Variants in WARS2 observed in about 807,000 individuals in gnomAD.
WARS2 encodes tryptophanyl tRNA synthetase 2, mitochondrial, also known as tryptophan--tRNA ligase, mitochondrial.
In WARS2, 28 loss-of-function variants were observed where a neutral mutation model predicts 36.5. That is an observed-to-expected ratio of 0.77 (90% CI 0.57 to 1.05). WARS2 has a LOEUF of 1.05. Among genes scored for constraint, WARS2 ranks in the 50% least tolerant of loss-of-function variants. WARS2 has a pLI of 0.00. For synonymous variants in WARS2, 174 were observed against 178.4 expected, an observed-to-expected ratio of 0.98 and a Z score of 0.20; for missense variants, 435 against 456.8, an observed-to-expected ratio of 0.95 and a Z score of 0.44.
intron 1 of WARS2, chr1:119,127,359 TTAAGGC>T (rs1478716690): frequency 3.1e-5 from 15 of 482,616 alleles, no homozygotes; most frequent in Non-Finnish European, 3.8e-5. Context: ...TGAAAAAAAA[TTAAGGC>T]ACAGAAAAAT....
At chr1:119,038,746 T>G (rs1414364610) in intron 4 of WARS2, among the ~76,000 whole-genome samples, 2 of 152,206 alleles carry the variant, frequency 1.3e-5, no homozygotes, top group African/African-American at 4.8e-5. Flanking sequence ...AGTGGTGCAC[T>G]CTCAGCTCAC....
At chr1:119,038,153 T>C (rs752030376) in intron 4 of WARS2, among the ~76,000 whole-genome samples, 3 of 152,240 alleles carry the variant, frequency 2.0e-5, no homozygotes, top group Non-Finnish European at 2.9e-5. Context: ...ACATTTTTCA[T>C]ACTGCCTTTC....
At chr1:119,096,967 TC>T (rs1168144231) in intron 1 of WARS2, among the ~76,000 whole-genome samples, 1 of 152,200 alleles carries the variant, frequency 6.6e-6, no homozygotes, top group African/African-American at 2.4e-5. Context: ...ACTGGTAAAC[TC>T]CTGGACATTT....
intron 1 of WARS2, among the ~76,000 whole-genome samples, chr1:119,124,405 G>A (rs1472684804): frequency 2.0e-5 from 3 of 152,012 alleles, no homozygotes; most frequent in African/African-American, 4.8e-5. Flanking sequence ...CAGGAGAATC[G>A]CTTGAACCCA....
At chr1:119,121,927 A>C (rs1471214920) in intron 1 of WARS2, among the ~76,000 whole-genome samples, 1 of 152,158 alleles carries the variant, frequency 6.6e-6, no homozygotes, top group Non-Finnish European at 1.5e-5. Context: ...TGAGACCTCA[A>C]ACCTAAAAAT....
intron 1 of WARS2, chr1:119,085,769 A>C (rs1652603000): frequency 6.3e-7 from 1 of 1,599,352 alleles, no homozygotes; most frequent in African/African-American, 1.3e-5. Context: ...TAATGTTAAC[A>C]ATCTCCCCAT....
intron 2 of WARS2, among the ~76,000 whole-genome samples, chr1:119,048,466 A>ACATT (rs1335709003): frequency 6.6e-6 from 1 of 152,374 alleles, no homozygotes; most frequent in East Asian, 1.9e-4. Flanking sequence ...AGATAATTGT[A>ACATT]CATTCACATA....
In WARS2 at chr1:119,071,496, G is replaced by A. The variant is rs145656543; in HGVS notation, c.348+4854C>T. Among the ~76,000 whole-genome samples the A allele has an allele frequency of 3.3e-5, 5 of 152,228 alleles. No individual in the cohort carries two copies. In the East Asian group the frequency reaches 9.7e-4, roughly 29 times the overall value. ...AGAAAATACAGTATATACACACAATGGAATACTATTCAGCCTTGAAAAAGG... is the reference window on the plus strand; with the variant it reads ...AGAAAATACAGTATATACACACAATAGAATACTATTCAGCCTTGAAAAAGG... On this transcript the variant is annotated intron_variant, in intron 2 of 5. Transcript: ENST00000235521.
chr1:119,138,642 T>C (rs1014383314), intron 1 of WARS2, among the ~76,000 whole-genome samples: 1 of 152,168 alleles, frequency 6.6e-6, no homozygotes. Context: ...AACATCGTAA[T>C]AACACTATGA....
intron 1 of WARS2, among the ~76,000 whole-genome samples, chr1:119,125,911 G>A (rs1381526360): frequency 3.3e-5 from 5 of 152,042 alleles, no homozygotes. Context: ...TATACCCTGG[G>A]CCTTGCCATC....
intron 2 of WARS2, among the ~76,000 whole-genome samples, chr1:119,069,197 G>A (rs545108099): frequency 7.9e-5 from 12 of 152,132 alleles, no homozygotes; most frequent in South Asian, 4.1e-4. Context: ...TTAACACAAC[G>A]AATATAGCTG....
chr1:119,055,398 AG>A (rs1649690923), intron 2 of WARS2, among the ~76,000 whole-genome samples: 1 of 152,104 alleles, frequency 6.6e-6, no homozygotes, highest in African/African-American at 2.4e-5. Context: ...GGATTATCTG[AG>A]GTCAGGAGTT....
chr1:119,062,521 T>C (rs1339617980), intron 2 of WARS2, among the ~76,000 whole-genome samples: 2 of 152,250 alleles, frequency 1.3e-5, no homozygotes, highest in Admixed American at 1.3e-4. Flanking sequence ...TTTTAAATTT[T>C]TGCTTTATAC....
At chr1:119,066,477 C>CAAAAAA (rs34709639) in intron 2 of WARS2, among the ~76,000 whole-genome samples, 16 of 46,280 alleles carry the variant, frequency 3.5e-4, no homozygotes, top group Middle Eastern at 0.012. Flanking sequence ...GGCTCTGTCT[C>CAAAAAA]AAAAAAAAAA....
chr1:119,082,681 A>C (rs1421368672), intron 1 of WARS2: 1 of 153,162 alleles, frequency 6.5e-6, no homozygotes, highest in East Asian at 1.9e-4. Context: ...AGAAGGGGAA[A>C]GTGTACCATG....
At chr1:119,122,285 T>C (rs1655374899) in intron 1 of WARS2, among the ~76,000 whole-genome samples, 3 of 152,070 alleles carry the variant, frequency 2.0e-5, no homozygotes, top group Admixed American at 6.6e-5. Flanking sequence ...AACAAGCACA[T>C]GGAAAAATGC....
rs563632849 is a variant in WARS2 at position 119,057,619 on chromosome 1, G to A, written c.349-11957C>T. ...AGCCTGGCCAATGTGGTGAAACCCCGTCTCTACTAACAATATAATCATTAG... is the reference window on the plus strand; with the variant it reads ...AGCCTGGCCAATGTGGTGAAACCCCATCTCTACTAACAATATAATCATTAG... On this transcript the variant is annotated intron_variant, in intron 2 of 5. Transcript: ENST00000235521. Among the ~76,000 whole-genome samples, 23 of 151,668 alleles carry A rather than the reference G, an allele frequency of 1.5e-4. No homozygotes were observed. In the South Asian group the frequency reaches 2.9e-3, roughly 19 times the overall value.
chr1:119,131,592 A>G (rs1041934844), intron 1 of WARS2, among the ~76,000 whole-genome samples: 1 of 151,402 alleles, frequency 6.6e-6, no homozygotes, highest in Non-Finnish European at 1.5e-5. Flanking sequence ...CCTCCCGAGT[A>G]GCTGGGACTG....
At chr1:119,126,573 T>A (rs1244898770) in intron 1 of WARS2, 1 of 636,834 alleles carries the variant, frequency 1.6e-6, no homozygotes, top group Admixed American at 2.1e-5. Flanking sequence ...TTCATATCCA[T>A]CAGTTCGTTC....
Sources: allele counts gnomAD v4.1 joint callset (sites outside exome capture counted in the v4.1 genomes callset), GRCh38; gene constraint gnomAD v4.1.1; transcripts MANE v1.5; gene names NCBI Gene and HGNC (gene_info 2026-07-23, HGNC 2026-07-21).